Variants in PCDHA9 observed in about 807,000 individuals in gnomAD.
PCDHA9 encodes protocadherin alpha 9, also known as protocadherin alpha-9.
A neutral mutation model predicts 62.0 loss-of-function variants in PCDHA9; 62 were observed. The ratio of observed to expected loss-of-function variants is 1.00; its 90% CI spans 0.81 to 1.23. The LOEUF is 1.23. Ranked by LOEUF, PCDHA9 falls within the 50% of genes most tolerant of loss-of-function variation. The pLI is 0.00. For missense variants in PCDHA9, 1,205 were observed against 1,249.8 expected (o/e 0.96, Z 0.54); for synonymous variants, 557 against 567.6 (o/e 0.98, Z 0.27).
chr5:140,915,626 GTCTCTC>G (rs57920489), intron 1 of PCDHA9, among the ~76,000 whole-genome samples: 2,942 of 146,518 alleles, frequency 0.02, 88 homozygotes, highest in African/African-American at 0.07. Context: ...GTCTCTTTCT[GTCTCTC>G]TCTCTCTCTC....
rs782527674 is a variant in PCDHA9 at position 140,876,124 on chromosome 5, G to A, written c.2394+25235G>A. 162 of 1,613,780 alleles carry A rather than the reference G, an allele frequency of 1.0e-4. No individual in the cohort carries two copies. The highest frequency in any genetic ancestry group is 1.3e-4 in the Non-Finnish European group (152 of 1,179,892). ...TTTATTGCTGATGGTAATCGATGGC[G>A]GTAAACCAGAACTAACAGGGTCTGT... On this transcript the variant is annotated intron_variant, in intron 1 of 3. Coordinates refer to ENST00000532602, the MANE Select transcript of PCDHA9 (RefSeq NM_031857.2).
intron 1 of PCDHA9, among the ~76,000 whole-genome samples, chr5:140,880,422 C>T (rs782802267): frequency 6.6e-6 from 1 of 152,252 alleles, no homozygotes; most frequent in Non-Finnish European, 1.5e-5. Flanking sequence ...AAAGCGGGAA[C>T]AGTTTTTCCT....
At chr5:140,869,418 C>G in intron 1 of PCDHA9, 1 of 1,614,174 alleles carries the variant, frequency 6.2e-7, no homozygotes, top group Non-Finnish European at 8.5e-7. Flanking sequence ...GCAGCATCCA[C>G]CTGGAGGTGA....
At chr5:140,908,933 C>T (rs1554193565) in intron 1 of PCDHA9, among the ~76,000 whole-genome samples, 1 of 152,186 alleles carries the variant, frequency 6.6e-6, no homozygotes, top group East Asian at 1.9e-4. Context: ...AATGCAGCAA[C>T]TTATCCTTCA....
intron 1 of PCDHA9, among the ~76,000 whole-genome samples, chr5:140,889,253 G>A (rs1272394693): frequency 6.6e-6 from 1 of 151,724 alleles, no homozygotes; most frequent in Non-Finnish European, 1.5e-5. Flanking sequence ...TCTGTTTCCT[G>A]TAAAAGTTTG....
At chr5:140,885,736 C>T (rs1457106867) in intron 1 of PCDHA9, among the ~76,000 whole-genome samples, 1 of 152,060 alleles carries the variant, frequency 6.6e-6, no homozygotes, top group African/African-American at 2.4e-5. Context: ...AATGATATTT[C>T]ACTGTTACTT....
chr5:140,972,244 A>G (rs2096526797), intron 1 of PCDHA9, among the ~76,000 whole-genome samples: 1 of 151,646 alleles, frequency 6.6e-6, no homozygotes, highest in African/African-American at 2.4e-5. Context: ...GGCTCAAGCA[A>G]TCCTCACACA....
intron 1 of PCDHA9, chr5:140,854,282 G>C: frequency 1.9e-6 from 1 of 533,858 alleles, no homozygotes; most frequent in Non-Finnish European, 2.4e-6. Context: ...ATTGAGTTTA[G>C]TTTTTATTAT....
At chr5:140,912,613 T>C in intron 1 of PCDHA9, among the ~76,000 whole-genome samples, 1 of 152,290 alleles carries the variant, frequency 6.6e-6, no homozygotes, top group Middle Eastern at 3.4e-3. Flanking sequence ...TCTTGTCTGA[T>C]TACTCTGGAT....
At chr5:140,858,342 C>T (rs528199752) in intron 1 of PCDHA9, 5 of 1,594,916 alleles carry the variant, frequency 3.1e-6, no homozygotes, top group East Asian at 2.2e-5. Flanking sequence ...CTGCCCAAGG[C>T]GGACCTCATG....
chr5:140,881,463 T>C, intron 1 of PCDHA9: 1 of 599,796 alleles, frequency 1.7e-6, no homozygotes, highest in Non-Finnish European at 2.1e-6. Flanking sequence ...CCTTAGAGCA[T>C]TGTTGTGGCT....
intron 1 of PCDHA9, chr5:140,875,402 CT>C (rs2055455404): frequency 6.7e-7 from 1 of 1,488,754 alleles, no homozygotes; most frequent in African/African-American, 1.4e-5. Flanking sequence ...AGGGTGACTG[CT>C]CATAAAATAC....
chr5:140,953,901 A>G (rs1354951706), intron 1 of PCDHA9, among the ~76,000 whole-genome samples: 1 of 152,156 alleles, frequency 6.6e-6, no homozygotes, highest in Admixed American at 6.5e-5. Flanking sequence ...TATTAAGCCC[A>G]GCATCCATTA....
chr5:140,882,466 G>A (rs782656797), intron 1 of PCDHA9: 1 of 1,614,028 alleles, frequency 6.2e-7, no homozygotes, highest in South Asian at 1.1e-5. Flanking sequence ...TGTTCCGGGT[G>A]GCGTCCAAAA....
chr5:140,928,000 G>C, intron 1 of PCDHA9: 1 of 1,614,166 alleles, frequency 6.2e-7, no homozygotes. Flanking sequence ...TGAAGACCTC[G>C]ATTCTAATGG....
At chr5:140,857,914 C>A (rs781836779) in intron 1 of PCDHA9, 4 of 1,597,754 alleles carry the variant, frequency 2.5e-6, no homozygotes, top group South Asian at 2.2e-5. Flanking sequence ...TCCCGTTTCG[C>A]GTGGGGCTGT....
intron 1 of PCDHA9, among the ~76,000 whole-genome samples, chr5:140,931,837 G>A (rs1422066331): frequency 6.6e-6 from 1 of 151,798 alleles, no homozygotes; most frequent in Non-Finnish European, 1.5e-5. Flanking sequence ...TATCCTGAAT[G>A]CCTTAATAAC....
At chr5:140,968,508 A>T in intron 1 of PCDHA9, 1 of 1,614,068 alleles carries the variant, frequency 6.2e-7, no homozygotes. Flanking sequence ...CACATTCTGT[A>T]CCCTACCTCA....
At chr5:140,895,647 C>A (rs954657912) in intron 1 of PCDHA9, among the ~76,000 whole-genome samples, 2 of 151,996 alleles carry the variant, frequency 1.3e-5, no homozygotes, top group African/African-American at 4.8e-5. Flanking sequence ...TTTTTAGCTC[C>A]CACTTATAAG....
Sources: allele counts gnomAD v4.1 joint callset (sites outside exome capture counted in the v4.1 genomes callset), GRCh38; gene constraint gnomAD v4.1.1; transcripts MANE v1.5; gene names NCBI Gene and HGNC (gene_info 2026-07-23, HGNC 2026-07-21).